MYMX: variants seen among roughly 807,000 people sequenced by gnomAD.
MYMX encodes the protein myomixer, myoblast fusion factor, also known as protein myomixer.
At chr6:44,209,086 C>A in the MYMX span, among the ~76,000 whole-genome samples, 3 of 152,200 alleles carry the variant, frequency 2.0e-5, no homozygotes, top group African/African-American at 7.2e-5. Flanking sequence ...GCCTCAGCCT[C>A]CTGAGTAGCT....
the MYMX span, among the ~76,000 whole-genome samples, chr6:44,194,565 C>A: frequency 2.6e-5 from 4 of 152,206 alleles, no homozygotes; most frequent in African/African-American, 9.6e-5. Flanking sequence ...CAGGATCCCT[C>A]ATCCCTGGCA....
chr6:44,202,913 TCTCA>T, the MYMX span, among the ~76,000 whole-genome samples: 2 of 152,178 alleles, frequency 1.3e-5, no homozygotes, highest in Non-Finnish European at 2.9e-5. Context: ...CCCAGGAATC[TCTCA>T]CTCTGTTTAC....
At chr6:44,193,023 T>C in the MYMX span, among the ~76,000 whole-genome samples, 1 of 152,126 alleles carries the variant, frequency 6.6e-6, no homozygotes, top group Non-Finnish European at 1.5e-5. Flanking sequence ...CCAGCTGGAA[T>C]TGGAACCCTC....
the MYMX span, among the ~76,000 whole-genome samples, chr6:44,203,955 C>G: frequency 6.6e-6 from 1 of 152,282 alleles, no homozygotes; most frequent in South Asian, 2.1e-4. Context: ...TCAAGAGATT[C>G]TTCTGCCTCA....
At chr6:44,210,614 T>G in the MYMX span, among the ~76,000 whole-genome samples, 1 of 152,214 alleles carries the variant, frequency 6.6e-6, no homozygotes, top group Non-Finnish European at 1.5e-5. Context: ...TATGTCTGTT[T>G]AAAAATAATT....
At chr6:44,206,672 TTTTG>T in the MYMX span, among the ~76,000 whole-genome samples, 5 of 152,164 alleles carry the variant, frequency 3.3e-5, no homozygotes, top group Admixed American at 2.6e-4. Context: ...GGATAGTCAT[TTTTG>T]TTTGTTTGTT....
At chr6:44,210,647 A>C in the MYMX span, among the ~76,000 whole-genome samples, 2 of 152,040 alleles carry the variant, frequency 1.3e-5, no homozygotes, top group African/African-American at 2.4e-5. Flanking sequence ...TCGGTAACTT[A>C]CTCTCTTTAA....
At chr6:44,195,404 C>T in the MYMX span, among the ~76,000 whole-genome samples, 7 of 152,178 alleles carry the variant, frequency 4.6e-5, no homozygotes, top group Non-Finnish European at 7.3e-5. Flanking sequence ...CATCTCTGCC[C>T]GTTCTCCCTG....
chr6:44,205,045 A>C, the MYMX span, among the ~76,000 whole-genome samples: 2 of 152,072 alleles, frequency 1.3e-5, no homozygotes, highest in Non-Finnish European at 2.9e-5. Flanking sequence ...TGATTTGGCC[A>C]ACGGGTGAGC....
chr6:44,213,372 A>C (rs1775699731), upstream of MYMX, among the ~76,000 whole-genome samples: 1 of 142,972 alleles, frequency 7.0e-6, no homozygotes, highest in African/African-American at 3.0e-5. Context: ...GGCAACAAAA[A>C]AAAGAAAAGA....
At chr6:44,193,992 A>C in the MYMX span, among the ~76,000 whole-genome samples, 1 of 152,314 alleles carries the variant, frequency 6.6e-6, no homozygotes. Flanking sequence ...CTCCAAAAAA[A>C]AAAAAGTAAT....
the MYMX span, among the ~76,000 whole-genome samples, chr6:44,206,015 TTTG>T: frequency 4.0e-5 from 6 of 148,234 alleles, no homozygotes; most frequent in Admixed American, 1.3e-4. Flanking sequence ...AAACCTCATT[TTTG>T]TTGTTGTTGT....
chr6:44,214,809 A>G (rs147314280), upstream of MYMX, among the ~76,000 whole-genome samples: 2 of 152,172 alleles, frequency 1.3e-5, no homozygotes, highest in African/African-American at 4.8e-5. Context: ...CTGACCTCAA[A>G]TGATCCACTC....
chr6:44,217,442 C>T lies in MYMX; in HGVS notation c.-22-8C>T. On this transcript the variant is annotated splice_polypyrimidine_tract_variant and splice_region_variant and intron_variant, in intron 1 of 1. Coordinates refer to ENST00000573382, the MANE Select transcript of MYMX (RefSeq NM_001315494.2). ...CATGCAAGCCTAAAGTCTGTGTTGT[C>T]TTCCCAGGCACTGACTCACTGGCCC... 1 of 400,032 alleles carries T rather than the reference C, an allele frequency of 2.5e-6. No individual in the cohort carries two copies. Among genetic ancestry groups the T allele is most frequent in the Non-Finnish European group, 4.4e-6 (1 of 226,552 alleles). The allele number at this position is 400,032 out of a possible 1,614,324, so 24.8% of individuals were successfully genotyped here.
the MYMX span, among the ~76,000 whole-genome samples, chr6:44,195,441 G>C: frequency 6.6e-6 from 1 of 151,878 alleles, no homozygotes; most frequent in African/African-American, 2.4e-5. Context: ...CTGAAATTCT[G>C]TCTTTCCCAT....
At chr6:44,206,006 A>AAAAAC in the MYMX span, among the ~76,000 whole-genome samples, 1 of 147,918 alleles carries the variant, frequency 6.8e-6, no homozygotes, top group Non-Finnish European at 1.5e-5. Context: ...AACAAAAAAA[A>AAAAAC]ACCTCATTTT....
At chr6:44,194,040 T>C in the MYMX span, among the ~76,000 whole-genome samples, 1 of 152,278 alleles carries the variant, frequency 6.6e-6, no homozygotes, top group Admixed American at 6.5e-5. Context: ...CCCACTTTCT[T>C]GGAGATATGT....
chr6:44,195,386 A>G, the MYMX span, among the ~76,000 whole-genome samples: 1 of 152,128 alleles, frequency 6.6e-6, no homozygotes, highest in East Asian at 1.9e-4. Context: ...GTCCCTGTGG[A>G]ACATCGCCAT....
chr6:44,198,551 G>A, the MYMX span, among the ~76,000 whole-genome samples: 1 of 151,850 alleles, frequency 6.6e-6, no homozygotes, highest in Non-Finnish European at 1.5e-5. Flanking sequence ...CTGTTGCCCA[G>A]GCTGGAGTGC....
Sources: gnomAD v4.1 joint callset for allele counts (sites outside exome capture counted in the v4.1 genomes callset) on GRCh38, gnomAD v4.1.1 for gene constraint, MANE v1.5 for transcripts, NCBI Gene and HGNC (gene_info 2026-07-23, HGNC 2026-07-21) for gene names.